Variants in ATP6V0D1 observed in about 807,000 individuals in gnomAD.
ATP6V0D1 encodes the protein V-type proton ATPase subunit d 1.
ATP6V0D1 carries 13 observed loss-of-function variants against 39.0 expected under a neutral mutation model. The ratio of observed to expected loss-of-function variants is 0.33; its 90% CI spans 0.22 to 0.53. ATP6V0D1 has a LOEUF of 0.53. Ranked by LOEUF, ATP6V0D1 falls within the 20% of genes least tolerant of loss-of-function variation. The pLI is 0.94. For synonymous variants in ATP6V0D1, 191 were observed against 191.2 expected (o/e 1.00, Z 0.01); for missense variants, 272 against 470.9 (o/e 0.58, Z 3.91).
Position 67,461,068 on chromosome 16 carries a change from A to G in ATP6V0D1, c.131-7353T>C, listed in dbSNP as rs527424225. On this transcript the variant is annotated intron_variant, in intron 1 of 7. Coordinates refer to ENST00000290949, the MANE Select transcript of ATP6V0D1 (RefSeq NM_004691.5). Reference sequence around the variant, plus strand: ...GGCAGCGGTTTACAGAGAGCTGAGCACAGCATACCACAGTCCATTTCTCCT... The same window carrying G: ...GGCAGCGGTTTACAGAGAGCTGAGCGCAGCATACCACAGTCCATTTCTCCT... Among the ~76,000 whole-genome samples the G allele has an allele frequency of 4.6e-5, 7 of 152,352 alleles. No individual in the cohort carries two copies. The East Asian group carries it at 1.4e-3, about 29-fold the overall frequency.
At chr16:67,479,918 G>A (rs549361837) in intron 1 of ATP6V0D1, among the ~76,000 whole-genome samples, 1 of 108,518 alleles carries the variant, frequency 9.2e-6, no homozygotes, top group Non-Finnish European at 1.6e-5. Context: ...TCAACGCCAC[G>A]GCCGGGCGCG....
At chr16:67,476,101 A>C (rs1051487359) in intron 1 of ATP6V0D1, among the ~76,000 whole-genome samples, 1 of 152,136 alleles carries the variant, frequency 6.6e-6, no homozygotes. Flanking sequence ...GTAGGCCTGT[A>C]GTCACAGCTA....
intron 1 of ATP6V0D1, among the ~76,000 whole-genome samples, chr16:67,465,588 C>A (rs1262097705): frequency 1.3e-5 from 2 of 152,206 alleles, no homozygotes; most frequent in Non-Finnish European, 2.9e-5. Flanking sequence ...CTGTGCTGTA[C>A]CTGCAGCTCC....
chr16:67,479,963 GCCGAGGCGGGC>G (rs2041452085), intron 1 of ATP6V0D1, among the ~76,000 whole-genome samples: 2 of 108,698 alleles, frequency 1.8e-5, no homozygotes, highest in African/African-American at 1.1e-4. Flanking sequence ...ACTTTGGGAG[GCCGAGGCGGGC>G]GGATCACGAG....
chr16:67,481,140 C>A lies in ATP6V0D1; in HGVS notation c.-54G>T, dbSNP rs1030705403. On this transcript the variant is annotated 5_prime_UTR_variant, in exon 1 of 8. Transcript: ENST00000290949. ...AACCAGGACCGGCCGGCACGAATCGCGACTCCCCAGGTCAGCTGACGCTGC... is the reference window on the plus strand; with the variant it reads ...AACCAGGACCGGCCGGCACGAATCGAGACTCCCCAGGTCAGCTGACGCTGC... The A allele has an allele frequency of 1.1e-5, 18 of 1,608,744 alleles. No individual in the cohort carries two copies. Among genetic ancestry groups the A allele is most frequent in the African/African-American group, 6.7e-5 (5 of 74,980 alleles).
chr16:67,442,246 G>A (rs2041061313), intron 4 of ATP6V0D1, among the ~76,000 whole-genome samples: 1 of 152,228 alleles, frequency 6.6e-6, no homozygotes, highest in Non-Finnish European at 1.5e-5. Context: ...CTCCAACCAG[G>A]GCAGGAGAGG....
intron 2 of ATP6V0D1, among the ~76,000 whole-genome samples, chr16:67,446,785 G>A (rs1189365111): frequency 1.3e-5 from 2 of 152,090 alleles, no homozygotes; most frequent in African/African-American, 4.8e-5. Context: ...GCAGAAGGAT[G>A]CTTTCTTATG....
rs1299999808 is a variant in ATP6V0D1, at chr16:67,453,084, T to C, written c.302+460A>G. ...TAGAGAATGGGCCTATCCTAAGACC[T>C]TGGCCTTTCAGAGCTCTGTCCATCC... is the stretch of plus-strand genomic sequence containing the variant. On this transcript the variant is annotated intron_variant, in intron 2 of 7. Transcript: ENST00000290949. This position sits in a 1 kb window ranked among gnomAD's most constrained non-coding sequence, Gnocchi z 4.1. Among the ~76,000 whole-genome samples the C allele has an allele frequency of 2.0e-5, 3 of 152,176 alleles. No individual in the cohort carries two copies. The highest frequency in any genetic ancestry group is 1.9e-4 in the East Asian group (1 of 5,202).
intron 1 of ATP6V0D1, among the ~76,000 whole-genome samples, chr16:67,464,158 C>G (rs1050415554): frequency 6.6e-6 from 1 of 152,084 alleles, no homozygotes; most frequent in African/African-American, 2.4e-5. Flanking sequence ...AGCTCCCAAC[C>G]CTTCAAGTTT....
At chr16:67,469,636 G>A (rs1437081737) in intron 1 of ATP6V0D1, among the ~76,000 whole-genome samples, 3 of 152,158 alleles carry the variant, frequency 2.0e-5, no homozygotes, top group African/African-American at 2.4e-5. Flanking sequence ...CCCACAATGC[G>A]AAACAAAACC....
In ATP6V0D1 at chr16:67,439,167, G is replaced by C; in HGVS notation, c.640-20C>G. The C allele has an allele frequency of 6.2e-7, 1 of 1,613,786 alleles. No homozygotes were observed. Among genetic ancestry groups the C allele is most frequent in the Non-Finnish European group, 8.5e-7 (1 of 1,179,692 alleles). On this transcript the variant is annotated intron_variant, in intron 5 of 7. Transcript: ENST00000290949. The stretch of plus-strand genomic sequence containing the variant: ...TTCAAACTGTGGAGCCAGTGCACAG[G>C]TAAGAAGAGAGGGAGGAAGAAGGAG...
At chr16:67,450,545 G>A (rs1013668952) in intron 2 of ATP6V0D1, among the ~76,000 whole-genome samples, 6 of 152,134 alleles carry the variant, frequency 3.9e-5, no homozygotes, top group Admixed American at 6.5e-5. Context: ...TAGGGGGGCT[G>A]GGGGGTGGAC....
At chr16:67,472,806 C>G (rs897423826) in intron 1 of ATP6V0D1, among the ~76,000 whole-genome samples, 38 of 152,172 alleles carry the variant, frequency 2.5e-4, no homozygotes, top group African/African-American at 8.7e-4. Flanking sequence ...GGAGGCGGAG[C>G]TTGCAATGAG....
intron 1 of ATP6V0D1, chr16:67,457,582 C>A (rs1348180371): frequency 1.6e-6 from 2 of 1,289,502 alleles, no homozygotes; most frequent in African/African-American, 3.0e-5. Context: ...CATGGACCAT[C>A]AGCACTGTCA....
At chr16:67,478,028 A>T (rs1389707819) in intron 1 of ATP6V0D1, among the ~76,000 whole-genome samples, 1 of 152,172 alleles carries the variant, frequency 6.6e-6, no homozygotes, top group African/African-American at 2.4e-5. Context: ...AGGTACAAAC[A>T]ATACTGAAAA....
chr16:67,439,689 T>C lies in ATP6V0D1; in HGVS notation c.562-338A>G, dbSNP rs2041024805. The C allele has an allele frequency of 3.4e-5, 12 of 350,116 alleles. No individual in the cohort carries two copies. The South Asian group carries it at 4.8e-4, about 14-fold the overall frequency. The allele number at this position is 350,116 out of a possible 1,614,324, so 21.7% of individuals were successfully genotyped here. A position where few individuals can be genotyped will look rare whatever the true frequency, so the allele number is the denominator to read the frequency against. ...TTCCCCTGCTGCTCTGCCTTCCTTT[T>C]CCCCAAATCTTTCCAAACCTCCCCT... On this transcript the variant is annotated intron_variant, in intron 4 of 7. Transcript: ENST00000290949.
At chr16:67,480,908 C>T (rs772722826) in intron 1 of ATP6V0D1, 49 bp downstream of exon 1, 1 of 1,607,810 alleles carries the variant, frequency 6.2e-7, no homozygotes, top group Admixed American at 1.7e-5. Flanking sequence ...CCTCTGAACC[C>T]TCAGGCCCCG....
At chr16:67,468,953 A>G (rs899764414) in intron 1 of ATP6V0D1, among the ~76,000 whole-genome samples, 1 of 152,196 alleles carries the variant, frequency 6.6e-6, no homozygotes, top group Admixed American at 6.5e-5. Context: ...GGATTTGGAA[A>G]CAGCAGTTAT....
Position 67,453,667 on chromosome 16 carries a change from T to C in ATP6V0D1, c.179A>G (p.Asn60Ser), listed in dbSNP as rs2041206914. Reference protein sequence around the residue: ...QSTDYGNFLANEASPLTVSVI... With the variant: ...QSTDYGNFLASEASPLTVSVI... Reference sequence around the variant, plus strand: ...TGACACCGTCAGAGGTGATGCCTCGTTGGCCAGGAAGTTACCATAATCAGT... The same window carrying C: ...TGACACCGTCAGAGGTGATGCCTCGCTGGCCAGGAAGTTACCATAATCAGT... The change falls in exon 2 of 8, where the codon AAC becomes AGC. Residue 60 changes from asparagine to serine, a missense_variant. Coordinates refer to ENST00000290949, the MANE Select transcript of ATP6V0D1 (RefSeq NM_004691.5). This position sits in a 1 kb window ranked among gnomAD's most constrained non-coding sequence, Gnocchi z 4.1. 1.2e-6 allele frequency: 2 copies of C among 1,614,020 alleles called. No homozygotes were observed. The highest frequency in any genetic ancestry group is 2.7e-5 in the African/African-American group (2 of 74,928).
Sources: gnomAD v4.1 joint callset for allele counts (sites outside exome capture counted in the v4.1 genomes callset) on GRCh38, gnomAD v4.1.1 for gene constraint, Gnocchi (gnomAD v3.1) non-coding constraint, MANE v1.5 for transcripts, NCBI Gene and HGNC (gene_info 2026-07-23, HGNC 2026-07-21) for gene names.